Variants in PDE1C observed in about 807,000 individuals in gnomAD.
PDE1C encodes phosphodiesterase 1C, also known as dual specificity calcium/calmodulin-dependent 3',5'-cyclic nucleotide phosphodiesterase 1C.
A neutral mutation model predicts 93.1 loss-of-function variants in PDE1C; 62 were observed. The observed-to-expected ratio is 0.67, with a 90% CI of 0.54 to 0.82. The LOEUF is 0.82. Among genes scored for constraint, PDE1C ranks in the 40% least tolerant of loss-of-function variants. PDE1C has a pLI of 0.00. For missense variants in PDE1C, 742 were observed against 884.6 expected, an observed-to-expected ratio of 0.84 and a Z score of 2.04; for synonymous variants, 325 against 310.1, an observed-to-expected ratio of 1.05 and a Z score of -0.50.
intron 1 of PDE1C, among the ~76,000 whole-genome samples, chr7:32,285,183 G>A (rs1365158893): frequency 1.3e-5 from 2 of 152,182 alleles, no homozygotes; most frequent in Admixed American, 6.5e-5. Flanking sequence ...TTGCTGCAGC[G>A]TTTGAGAACC....
intron 17 of PDE1C, 122 bp downstream of exon 17, chr7:31,775,542 T>A (rs1456124589): frequency 4.0e-6 from 3 of 745,046 alleles, no homozygotes; most frequent in East Asian, 2.7e-5. Flanking sequence ...AGCTCTCTGA[T>A]AACGTGAGTA....
intron 13 of PDE1C, among the ~76,000 whole-genome samples, chr7:31,824,302 C>T (rs1409789125): frequency 6.6e-6 from 1 of 152,036 alleles, no homozygotes; most frequent in Non-Finnish European, 1.5e-5. Context: ...TTCGTCTTCC[C>T]AGTCACCTCT....
At chr7:32,222,571 G>C (rs1219006692) in intron 1 of PDE1C, among the ~76,000 whole-genome samples, 1 of 152,202 alleles carries the variant, frequency 6.6e-6, no homozygotes, top group Non-Finnish European at 1.5e-5. Flanking sequence ...TATCTTCTAA[G>C]CCAGTTGGAA....
intron 1 of PDE1C, among the ~76,000 whole-genome samples, chr7:32,407,100 C>T (rs1316670404): frequency 1.3e-5 from 2 of 152,102 alleles, no homozygotes; most frequent in African/African-American, 4.8e-5. Flanking sequence ...ATGGTGAAAC[C>T]CTGCCTCTAC....
chr7:31,667,972 G>T, the PDE1C span, among the ~76,000 whole-genome samples: 2 of 152,030 alleles, frequency 1.3e-5, no homozygotes, highest in African/African-American at 4.8e-5. Context: ...GAGGAAGATG[G>T]TTACTTTCTT....
intron 8 of PDE1C, among the ~76,000 whole-genome samples, chr7:31,848,838 G>T (rs1184524221): frequency 4.6e-5 from 7 of 152,238 alleles, no homozygotes; most frequent in African/African-American, 1.7e-4. Flanking sequence ...TCTTCTGACA[G>T]TTGGGCCAGT....
upstream of PDE1C, among the ~76,000 whole-genome samples, chr7:32,300,321 G>T (rs759173317): frequency 6.6e-6 from 1 of 152,190 alleles, no homozygotes; most frequent in Non-Finnish European, 1.5e-5. Flanking sequence ...ACATTCACAT[G>T]GTCTGGTTAG....
At chr7:31,953,679 C>T (rs1807722617) in intron 2 of PDE1C, among the ~76,000 whole-genome samples, 1 of 152,140 alleles carries the variant, frequency 6.6e-6, no homozygotes, top group Admixed American at 6.5e-5. Context: ...AGCAGAATTG[C>T]AGTAGAAGCT....
chr7:32,427,825 C>G (rs895641589), exon 1 of PDE1C: 1 of 152,274 alleles, frequency 6.6e-6, no homozygotes, highest in Non-Finnish European at 1.5e-5. Context: ...AACTCACCCG[C>G]TGCGCTGCGG....
intron 2 of PDE1C, among the ~76,000 whole-genome samples, chr7:31,894,236 T>C (rs765925780): frequency 1.1e-4 from 16 of 152,214 alleles, no homozygotes; most frequent in Non-Finnish European, 1.8e-4. Flanking sequence ...ATCGATCGAG[T>C]GTTTCTTGAG....
the PDE1C span, among the ~76,000 whole-genome samples, chr7:31,632,969 C>T: frequency 6.6e-6 from 1 of 152,022 alleles, no homozygotes; most frequent in Non-Finnish European, 1.5e-5. Context: ...TCACTGCAAC[C>T]TCCGACTCCC....
At chr7:32,268,984 G>A (rs1202512725) in intron 1 of PDE1C, among the ~76,000 whole-genome samples, 1 of 152,196 alleles carries the variant, frequency 6.6e-6, no homozygotes, top group African/African-American at 2.4e-5. Flanking sequence ...AATTTACAAA[G>A]TCTTTACCAT....
chr7:31,842,764 T>C (rs1001825465), intron 9 of PDE1C, among the ~76,000 whole-genome samples: 3 of 151,858 alleles, frequency 2.0e-5, no homozygotes, highest in Non-Finnish European at 4.4e-5. Flanking sequence ...TTTCCTCTTA[T>C]CATTACTAAT....
intron 3 of PDE1C, among the ~76,000 whole-genome samples, chr7:32,126,192 T>C (rs960266768): frequency 5.5e-5 from 8 of 145,268 alleles, no homozygotes; most frequent in Admixed American, 1.4e-4. Flanking sequence ...AGAAACCCAA[T>C]CCACTATTCT....
the PDE1C span, among the ~76,000 whole-genome samples, chr7:31,647,723 A>G: frequency 4.0e-5 from 6 of 150,772 alleles, no homozygotes; most frequent in Admixed American, 6.6e-5. Context: ...CGATGACGAC[A>G]ACGACGACGA....
chr7:32,023,486 C>T (rs1332641860), intron 2 of PDE1C, among the ~76,000 whole-genome samples: 1 of 152,026 alleles, frequency 6.6e-6, no homozygotes, highest in Admixed American at 6.6e-5. Context: ...CACAAATGTT[C>T]ATAGCAGCCT....
chr7:31,855,042 G>A (rs1237896608), intron 7 of PDE1C, among the ~76,000 whole-genome samples: 2 of 145,716 alleles, frequency 1.4e-5, no homozygotes, highest in African/African-American at 5.1e-5. Context: ...ACTCCAGCCT[G>A]GGTGACAGAG....
the PDE1C span, among the ~76,000 whole-genome samples, chr7:31,650,302 T>C: frequency 2.0e-4 from 30 of 152,294 alleles, no homozygotes; most frequent in African/African-American, 6.5e-4. Flanking sequence ...AGGCTTTTTA[T>C]TGGGGGATGG....
At chr7:31,725,405 T>C in the PDE1C span, among the ~76,000 whole-genome samples, 1 of 152,190 alleles carries the variant, frequency 6.6e-6, no homozygotes, top group Non-Finnish European at 1.5e-5. Context: ...ACCAACTTTT[T>C]TGGCATGAAA....
Sources: gnomAD v4.1 joint callset for allele counts (sites outside exome capture counted in the v4.1 genomes callset) on GRCh38, gnomAD v4.1.1 for gene constraint, MANE v1.5 for transcripts, NCBI Gene and HGNC (gene_info 2026-07-23, HGNC 2026-07-21) for gene names.